Variants in CDH1 observed in about 807,000 individuals in gnomAD.
CDH1 encodes the protein cadherin 1, also known as cadherin-1.
Under a neutral mutation model 84.5 loss-of-function variants are expected in CDH1, and 35 were observed. The ratio of observed to expected loss-of-function variants is 0.41; its 90% CI spans 0.32 to 0.55. The LOEUF is 0.55. CDH1 is among the 20% of genes least tolerant of loss of function. The pLI, the probability that CDH1 is intolerant of heterozygous loss-of-function variation, is 0.19. For synonymous variants in CDH1, 417 were observed against 439.0 expected (o/e 0.95, Z 0.63); for missense variants, 994 against 1,126.6 (o/e 0.88, Z 1.68).
intron 2 of CDH1, among the ~76,000 whole-genome samples, chr16:68,767,323 T>A (rs77221741): frequency 1.3e-5 from 2 of 151,880 alleles, no homozygotes; most frequent in African/African-American, 4.8e-5. Flanking sequence ...GCCTCCCGAG[T>A]AGCTGGGATT....
chr16:68,801,424 A>C (rs1270894903), intron 2 of CDH1, among the ~76,000 whole-genome samples: 2 of 152,144 alleles, frequency 1.3e-5, no homozygotes, highest in Non-Finnish European at 2.9e-5. Context: ...TCGAGAAGTT[A>C]CTTTCTAGAC....
At chr16:68,790,655 T>C (rs945670362) in intron 2 of CDH1, among the ~76,000 whole-genome samples, 27 of 152,158 alleles carry the variant, frequency 1.8e-4, no homozygotes, top group African/African-American at 6.5e-4. Context: ...GCAGGAGGCC[T>C]AATGTCGCTG....
chr16:68,821,032 G>T (rs1961128729), intron 11 of CDH1, among the ~76,000 whole-genome samples: 1 of 152,146 alleles, frequency 6.6e-6, no homozygotes, highest in African/African-American at 2.4e-5. Context: ...ATGCCATCTA[G>T]ACATATCTAT....
In CDH1 at chr16:68,819,238, T is replaced by C. The variant is rs1400864143; in HGVS notation, c.1566-42T>C. ...TAAGCCGTTTTCAGCTACATGTTGT[T>C]TGCTGGTCCTATTCTAAAAGCCAGA... is the stretch of plus-strand genomic sequence containing the variant. On this transcript the variant is annotated intron_variant, in intron 10 of 15. Transcript: ENST00000261769. 27 of 1,613,068 alleles carry C rather than the reference T, an allele frequency of 1.7e-5. No individual in the cohort carries two copies. Among genetic ancestry groups the C allele is most frequent in the Non-Finnish European group, 2.3e-5 (27 of 1,179,012 alleles).
intron 2 of CDH1, among the ~76,000 whole-genome samples, chr16:68,781,129 T>G (rs899859358): frequency 2.0e-5 from 3 of 152,210 alleles, no homozygotes; most frequent in African/African-American, 7.2e-5. Context: ...CTGTCCCCAC[T>G]CCTCAGCTGT....
chr16:68,755,866 C>T (rs1474511453), intron 2 of CDH1, among the ~76,000 whole-genome samples: 2 of 151,210 alleles, frequency 1.3e-5, no homozygotes, highest in East Asian at 3.9e-4. Flanking sequence ...CGGGTTCAAG[C>T]GATTCTCCCA....
At chr16:68,812,407 T>C in intron 8 of CDH1, 144 bp downstream of exon 8, 2 of 946,562 alleles carry the variant, frequency 2.1e-6, no homozygotes, top group Non-Finnish European at 3.3e-6. Context: ...AGCAAGCATC[T>C]TGAGATGGCA....
At position 68,823,613 on chromosome 16, in the gene CDH1, T is replaced by C. The variant is rs1205147360; in HGVS notation, c.2151T>C (p.Ile717=). The change falls in exon 13 of 16, where the codon ATT becomes ATC. Residue 717 remains isoleucine (I), a synonymous_variant. Transcript: ENST00000261769. ...CCATTCTGGGGATTCTTGGAGGAAT[T>C]CTTGCTTTGCTAAGTAAGTCCAGCT... ...IPAILGILGG[I]LALLILILLL... 5 of 1,611,296 alleles carry C rather than the reference T, an allele frequency of 3.1e-6. No individual in the cohort carries two copies. Among genetic ancestry groups the C allele is most frequent in the Non-Finnish European group, 4.2e-6 (5 of 1,179,226 alleles).
At chr16:68,788,834 TA>T (rs887696991) in intron 2 of CDH1, among the ~76,000 whole-genome samples, 4 of 151,390 alleles carry the variant, frequency 2.6e-5, no homozygotes, top group South Asian at 4.2e-4. Context: ...CCATCTCTCC[TA>T]AAAAAAACAA....
chr16:68,823,061 G>C, intron 12 of CDH1: 1 of 297,472 alleles, frequency 3.4e-6, no homozygotes, highest in Non-Finnish European at 6.3e-6. Flanking sequence ...CGGCCTCCAG[G>C]CCGGGCTGGG....
intron 7 of CDH1, 31 bp from the exon 8 acceptor site, chr16:68,812,104 T>G (rs141181659): frequency 6.2e-7 from 1 of 1,613,940 alleles, no homozygotes. Flanking sequence ...GTGTTCCTGG[T>G]CCTGACTTGG....
At chr16:68,768,230 G>A (rs1321015765) in intron 2 of CDH1, among the ~76,000 whole-genome samples, 1 of 152,240 alleles carries the variant, frequency 6.6e-6, no homozygotes, top group Non-Finnish European at 1.5e-5. Context: ...ACAGGCGTGA[G>A]CCACTGCGCC....
chr16:68,787,150 A>G (rs1400325918), intron 2 of CDH1, among the ~76,000 whole-genome samples: 1 of 152,124 alleles, frequency 6.6e-6, no homozygotes, highest in Non-Finnish European at 1.5e-5. Context: ...TGTGTTTTTT[A>G]TAGAGAATAA....
chr16:68,790,902 T>A (rs200158271), intron 2 of CDH1, among the ~76,000 whole-genome samples: 347 of 152,282 alleles, frequency 2.3e-3, no homozygotes, highest in Non-Finnish European at 4.2e-3. Context: ...CACTGGCTGT[T>A]GCTGTCCTCT....
chr16:68,800,488 T>G (rs1960469200), intron 2 of CDH1, among the ~76,000 whole-genome samples: 1 of 152,202 alleles, frequency 6.6e-6, no homozygotes, highest in African/African-American at 2.4e-5. Flanking sequence ...TGCCTAGGCG[T>G]CAGGGATGGC....
intron 2 of CDH1, among the ~76,000 whole-genome samples, chr16:68,757,120 G>T (rs916404914): frequency 1.6e-4 from 25 of 152,102 alleles, no homozygotes; most frequent in African/African-American, 6.0e-4. Flanking sequence ...ACAGAGTCTT[G>T]CTCTGTCACC....
rs35160345 is a variant in CDH1 at position 68,812,349 on chromosome 16, T to C, written c.1137+86T>C. ...GTGTCACCACTGCTCATGGGCGAAG[T>C]CTTTGAAAACTCTCTCCAGACTAGA... On this transcript the variant is annotated intron_variant, in intron 8 of 15. Coordinates refer to ENST00000261769, the MANE Select transcript of CDH1 (RefSeq NM_004360.5). 2.1e-6 allele frequency: 3 copies of C among 1,428,978 alleles called. No homozygotes were observed. In the South Asian group the frequency reaches 3.5e-5, roughly 16 times the overall value. The allele number at this position is 1,428,978 out of a possible 1,614,324, so 88.5% of individuals were successfully genotyped here. A position where few individuals can be genotyped will look rare whatever the true frequency, so the allele number is the denominator to read the frequency against.
chr16:68,794,785 C>T (rs975847817), intron 2 of CDH1, among the ~76,000 whole-genome samples: 2 of 149,582 alleles, frequency 1.3e-5, no homozygotes, highest in African/African-American at 4.9e-5. Flanking sequence ...CTCCCAGGTT[C>T]ACACCATTCT....
At chr16:68,746,805 C>T (rs532964241) in intron 2 of CDH1, among the ~76,000 whole-genome samples, 38 of 151,720 alleles carry the variant, frequency 2.5e-4, no homozygotes, top group Non-Finnish European at 4.4e-4. Flanking sequence ...AAAAGCTAGC[C>T]GGGCGTGGTG....
Sources: gnomAD v4.1 joint callset for allele counts (sites outside exome capture counted in the v4.1 genomes callset) on GRCh38, gnomAD v4.1.1 for gene constraint, MANE v1.5 for transcripts, NCBI Gene and HGNC (gene_info 2026-07-23, HGNC 2026-07-21) for gene names.